Variants in NCOA5 observed in about 807,000 individuals in gnomAD.
The protein encoded by NCOA5 is nuclear receptor coactivator 5, also known as NCoA-5.
A neutral mutation model predicts 59.0 loss-of-function variants in NCOA5; 12 were observed. The observed-to-expected ratio is 0.20, with a 90% CI of 0.13 to 0.33. NCOA5 has a LOEUF of 0.33. Among genes scored for constraint, NCOA5 ranks in the 10% least tolerant of loss-of-function variants. The pLI is 1.00. For missense variants in NCOA5, 655 were observed against 766.6 expected (o/e 0.85, Z 1.72); for synonymous variants, 270 against 275.5 (o/e 0.98, Z 0.20).
In NCOA5 at chr20:46,062,411, A is replaced by G. The variant is rs1346229408; in HGVS notation, c.1629T>C (p.Ala543=). The G allele has an allele frequency of 6.2e-7, 1 of 1,614,010 alleles. No individual in the cohort carries two copies. The highest frequency in any genetic ancestry group is 2.2e-5 in the East Asian group (1 of 44,886). Residue 543 remains alanine (A), a synonymous_variant, in exon 8 of 8, where the codon GCT becomes GCC. Transcript: ENST00000290231. ...INFDNPSVQK[A]LDTLIQSGPA... ...GGCCACTCTGGATCAGGGTATCCAG[A>G]GCCTTCTGTACACTTGGATTGTCAA...
Position 46,063,543 on chromosome 20 carries a change from G to T in NCOA5, c.967C>A (p.Gln323Lys), listed in dbSNP as rs1410599913. 6.2e-7 allele frequency: 1 copy of T among 1,614,176 alleles called. No individual in the cohort carries two copies. Among genetic ancestry groups the T allele is most frequent in the Admixed American group, 1.7e-5 (1 of 60,020 alleles). ...AAKMADEAILQERERGGPEEG... is the reference protein window; with the variant it reads ...AAKMADEAILKERERGGPEEG... ...TCAGGGCCTCCTCTCTCTCTTTCCTGCAGGATGGCTTCATCGGCCATCTTG... is the reference window on the plus strand; with the variant it reads ...TCAGGGCCTCCTCTCTCTCTTTCCTTCAGGATGGCTTCATCGGCCATCTTG... The change falls in exon 7 of 8, where the codon CAG (glutamine) becomes AAG (lysine). Residue 323 changes from glutamine to lysine, a missense_variant. Coordinates refer to ENST00000290231, the MANE Select transcript of NCOA5 (RefSeq NM_020967.3).
intron 5 of NCOA5, among the ~76,000 whole-genome samples, chr20:46,065,525 CT>C (rs1409699932): frequency 2.0e-5 from 3 of 152,186 alleles, no homozygotes; most frequent in African/African-American, 7.2e-5. Context: ...ACTTGTGGCA[CT>C]TATCTCTTTT....
chr20:46,070,618 A>C, intron 2 of NCOA5, 82 bp from the exon 3 acceptor site: 1 of 1,315,220 alleles, frequency 7.6e-7, no homozygotes, highest in Non-Finnish European at 1.1e-6. Context: ...GAAAACCCCC[A>C]CCCTCCAAGC....
Position 46,062,245 on chromosome 20 carries a change from T to C in NCOA5, c.*55A>G. On this transcript the variant is annotated 3_prime_UTR_variant, in exon 8 of 8. Transcript: ENST00000290231. The stretch of plus-strand genomic sequence containing the variant: ...TCCAAACAGCTCTATTTAGAACAAG[T>C]AAGTGGGAGGAGGCCAGGGGATGAG... 7.2e-7 allele frequency: 1 copy of C among 1,397,546 alleles called. No homozygotes were observed. Among genetic ancestry groups the C allele is most frequent in the Non-Finnish European group, 9.9e-7 (1 of 1,013,974 alleles). The allele number at this position is 1,397,546 out of a possible 1,614,324, so 86.6% of individuals were successfully genotyped here.
intron 3 of NCOA5, among the ~76,000 whole-genome samples, chr20:46,069,671 C>T (rs58935660): frequency 0.055 from 8,316 of 151,418 alleles, 764 homozygotes; most frequent in African/African-American, 0.19. Context: ...GTCAAGGCTG[C>T]AGTGAGCTGT....
At chr20:46,069,762 T>G (rs78517873) in intron 3 of NCOA5, among the ~76,000 whole-genome samples, 3,020 of 152,228 alleles carry the variant, frequency 0.02, 119 homozygotes, top group African/African-American at 0.069. Context: ...ATTAATCTGC[T>G]GATAGACATC....
At chr20:46,070,814 T>C (rs1289584849) in intron 2 of NCOA5, among the ~76,000 whole-genome samples, 2 of 152,156 alleles carry the variant, frequency 1.3e-5, no homozygotes, top group African/African-American at 4.8e-5. Context: ...AAAGTGAAAG[T>C]GTCTTTCCAC....
intron 2 of NCOA5, among the ~76,000 whole-genome samples, chr20:46,075,990 A>G (rs189871715): frequency 8.5e-5 from 13 of 152,334 alleles, no homozygotes. Context: ...TAGAGAGCAA[A>G]GCCAGCAGAA....
intron 3 of NCOA5, among the ~76,000 whole-genome samples, chr20:46,068,892 T>C (rs896144567): frequency 2.1e-4 from 32 of 152,244 alleles, no homozygotes; most frequent in African/African-American, 7.7e-4. Flanking sequence ...AAACATTACA[T>C]GTCCCTCCCT....
rs555423562 is a variant in NCOA5 at position 46,073,996 on chromosome 20, T to G, written c.39-3460A>C. ...GGGTAAAAATGTAGAAGAGGTGATA[T>G]TCACAAAAGGAAAAAGAACCAAAGG... On this transcript the variant is annotated intron_variant, in intron 2 of 7. Coordinates refer to ENST00000290231, the MANE Select transcript of NCOA5 (RefSeq NM_020967.3). Among the ~76,000 whole-genome samples, 13 of 152,214 alleles carry G rather than the reference T, an allele frequency of 8.5e-5. No homozygotes were observed. The South Asian group carries it at 2.7e-3, about 32-fold the overall frequency.
At chr20:46,074,345 G>A (rs2084914112) in intron 2 of NCOA5, among the ~76,000 whole-genome samples, 1 of 152,196 alleles carries the variant, frequency 6.6e-6, no homozygotes, top group Admixed American at 6.5e-5. Context: ...GTTAGAATCA[G>A]GTTTCTGGAG....
intron 7 of NCOA5, 71 bp downstream of exon 7, chr20:46,063,289 C>A (rs1168313919): frequency 6.6e-7 from 1 of 1,508,330 alleles, no homozygotes; most frequent in East Asian, 2.3e-5. Flanking sequence ...GCCTGACACC[C>A]TCCCAACAGA....
chr20:46,072,481 T>C (rs1196931787), intron 2 of NCOA5, among the ~76,000 whole-genome samples: 1 of 152,178 alleles, frequency 6.6e-6, no homozygotes, highest in Non-Finnish European at 1.5e-5. Flanking sequence ...ACTACAGATG[T>C]GTGCCACTGT....
At chr20:46,069,637 G>A (rs916602059) in intron 3 of NCOA5, among the ~76,000 whole-genome samples, 1 of 152,032 alleles carries the variant, frequency 6.6e-6, no homozygotes, top group Non-Finnish European at 1.5e-5. Context: ...AGGCTGAGGT[G>A]GGAGAAGTAC....
In NCOA5 at chr20:46,062,128, A is replaced by T; in HGVS notation, c.*172T>A. 1 of 564,484 alleles carries T rather than the reference A, an allele frequency of 1.8e-6. No individual in the cohort carries two copies. Among genetic ancestry groups the T allele is most frequent in the South Asian group, 2.8e-5 (1 of 36,162 alleles). 35.0% of individuals were successfully genotyped at this position (564,484 alleles called of 1,614,324 possible). The stretch of plus-strand genomic sequence containing the variant: ...GCCCCAAATGCAGTATAAACTTTGT[A>T]AGGAATAAGCAACACAGCCTTGGGC... On this transcript the variant is annotated 3_prime_UTR_variant, in exon 8 of 8. Coordinates refer to ENST00000290231, the MANE Select transcript of NCOA5 (RefSeq NM_020967.3).
chr20:46,082,562 T>G (rs537065264), intron 1 of NCOA5, among the ~76,000 whole-genome samples: 1 of 152,316 alleles, frequency 6.6e-6, no homozygotes, highest in East Asian at 1.9e-4. Context: ...CAACTGCCCT[T>G]AAGACCAAAA....
intron 5 of NCOA5, among the ~76,000 whole-genome samples, chr20:46,065,583 G>C (rs2084814834): frequency 6.6e-6 from 1 of 152,196 alleles, no homozygotes; most frequent in South Asian, 2.1e-4. Flanking sequence ...TTTAACGCTA[G>C]AAACATGGGT....
chr20:46,065,249 C>T (rs755056177), intron 5 of NCOA5, 21 bp from the exon 6 acceptor site: 1 of 1,613,444 alleles, frequency 6.2e-7, no homozygotes, highest in Admixed American at 1.7e-5. Context: ...AAATAAGATC[C>T]AGGTGAGCGA....
chr20:46,069,289 C>T (rs755363426), intron 3 of NCOA5, among the ~76,000 whole-genome samples: 4 of 152,220 alleles, frequency 2.6e-5, no homozygotes, highest in Non-Finnish European at 5.9e-5. Flanking sequence ...TTTGCGTATT[C>T]TTGATATTTC....
Sources: allele counts gnomAD v4.1 joint callset (sites outside exome capture counted in the v4.1 genomes callset), GRCh38; gene constraint gnomAD v4.1.1; transcripts MANE v1.5; gene names NCBI Gene and HGNC (gene_info 2026-07-23, HGNC 2026-07-21).